CAST: variants seen among roughly 807,000 people sequenced by gnomAD.
CAST encodes the protein calpastatin, also known as MIR583 host.
Under a neutral mutation model 119.6 loss-of-function variants are expected in CAST, and 76 were observed. The ratio of observed to expected loss-of-function variants is 0.64; its 90% confidence interval spans 0.53 to 0.77. The LOEUF is 0.77. Ranked by LOEUF, CAST falls within the 30% of genes least tolerant of loss-of-function variation. The pLI is 0.00. For missense variants in CAST, 953 were observed against 946.5 expected (o/e 1.01, Z -0.09); for synonymous variants, 319 against 331.6 (o/e 0.96, Z 0.41).
the CAST span, among the ~76,000 whole-genome samples, chr5:96,165,058 GAGA>G: frequency 1.3e-5 from 2 of 152,240 alleles, no homozygotes; most frequent in East Asian, 1.9e-4. Context: ...TTTTGATTTT[GAGA>G]AGATTAGAAG....
chr5:96,209,386 T>G, the CAST span, among the ~76,000 whole-genome samples: 2 of 152,082 alleles, frequency 1.3e-5, no homozygotes, highest in Non-Finnish European at 2.9e-5. Flanking sequence ...TTATGCAGAC[T>G]TGATTGTGTA....
At chr5:96,309,422 T>C in the CAST span, among the ~76,000 whole-genome samples, 124,929 of 152,228 alleles carry the variant, frequency 0.82, 52,571 homozygotes, top group Non-Finnish European at 0.92. Context: ...GCCAGACCAC[T>C]TGGCTCCCTG....
the CAST span, among the ~76,000 whole-genome samples, chr5:96,439,373 A>G: frequency 0.098 from 14,895 of 152,148 alleles, 2,498 homozygotes; most frequent in African/African-American, 0.34. Flanking sequence ...AATTTAGCAG[A>G]CCCAAGAAAA....
chr5:96,222,910 T>C, the CAST span, among the ~76,000 whole-genome samples: 1 of 152,156 alleles, frequency 6.6e-6, no homozygotes, highest in Non-Finnish European at 1.5e-5. Flanking sequence ...ATATACATAA[T>C]TGAATACTAT....
At chr5:96,310,129 A>G in the CAST span, among the ~76,000 whole-genome samples, 1 of 152,210 alleles carries the variant, frequency 6.6e-6, no homozygotes. Flanking sequence ...GAGTGTTTTT[A>G]TCATGAAAGA....
chr5:96,030,670 A>C, the CAST span, among the ~76,000 whole-genome samples: 1 of 152,122 alleles, frequency 6.6e-6, no homozygotes, highest in Admixed American at 6.6e-5. Flanking sequence ...ACTCTTCATC[A>C]CCTCTTCTCC....
At chr5:96,062,193 A>C in the CAST span, among the ~76,000 whole-genome samples, 1 of 152,112 alleles carries the variant, frequency 6.6e-6, no homozygotes, top group Non-Finnish European at 1.5e-5. Context: ...TTTACAGCAA[A>C]AGAGGAGTGA....
At chr5:96,689,895 T>G (rs1199570992) in intron 2 of CAST, among the ~76,000 whole-genome samples, 14 of 152,220 alleles carry the variant, frequency 9.2e-5, no homozygotes, top group Admixed American at 9.2e-4. Context: ...TGCCCTCTTT[T>G]CATTCAAGAT....
intron 1 of CAST, among the ~76,000 whole-genome samples, chr5:96,635,805 C>T (rs1441379274): frequency 6.6e-6 from 1 of 152,162 alleles, no homozygotes; most frequent in East Asian, 1.9e-4. Context: ...CAATTGCTTC[C>T]ACTTCAGGTT....
At chr5:96,771,340 C>T (rs1180480721) in intron 30 of CAST, among the ~76,000 whole-genome samples, 1 of 152,078 alleles carries the variant, frequency 6.6e-6, no homozygotes, top group Admixed American at 6.5e-5. Context: ...AAGGAAGGAT[C>T]ACCACAGAAT....
At chr5:96,247,720 A>G in the CAST span, 1 of 152,262 alleles carries the variant, frequency 6.6e-6, no homozygotes, top group African/African-American at 2.4e-5. Context: ...TCACAGCAAT[A>G]CAAACCCTTG....
the CAST span, among the ~76,000 whole-genome samples, chr5:96,184,025 G>A: frequency 6.6e-6 from 1 of 152,054 alleles, no homozygotes; most frequent in East Asian, 1.9e-4. Context: ...ATATGTATAG[G>A]TAAGTGAGGC....
At chr5:96,224,333 A>G in the CAST span, among the ~76,000 whole-genome samples, 1 of 152,216 alleles carries the variant, frequency 6.6e-6, no homozygotes, top group Admixed American at 6.5e-5. Context: ...ACCCAAAGAT[A>G]TTAGGCCCTA....
chr5:96,401,930 T>C, the CAST span, among the ~76,000 whole-genome samples: 1 of 152,218 alleles, frequency 6.6e-6, no homozygotes, highest in Non-Finnish European at 1.5e-5. Context: ...TAAAACATAT[T>C]GCTCCTAGTC....
At chr5:96,743,750 ATGTAT>A in intron 16 of CAST, 3 of 1,554,868 alleles carry the variant, frequency 1.9e-6, no homozygotes, top group Non-Finnish European at 2.6e-6. Context: ...GGACCAAGTA[ATGTAT>A]TGGGAAGAAG....
rs1272998788 is a variant in CAST at position 96,648,714 on chromosome 5, A to ATG, written c.61-26824_61-26823dup. Among the ~76,000 whole-genome samples the ATG allele has an allele frequency of 5.5e-5, 6 of 108,370 alleles. No individual in the cohort carries two copies. In the South Asian group the frequency reaches 1.2e-3, roughly 22 times the overall value. The allele number at this position is 108,370 out of a possible 152,430, so 71.1% of individuals were successfully genotyped here. A position where few individuals can be genotyped will look rare whatever the true frequency, so the allele number is the denominator to read the frequency against. ...ACTGGGAGAAGTTTTATTTATATAT[A>ATG]TGCGTGTGTGTGTGTGTGTGTGTGT... On this transcript the variant is annotated intron_variant, in intron 1 of 11. Coordinates refer to the CAST transcript ENST00000505143.
At chr5:96,187,471 G>A in the CAST span, among the ~76,000 whole-genome samples, 2 of 152,104 alleles carry the variant, frequency 1.3e-5, no homozygotes, top group Non-Finnish European at 2.9e-5. Context: ...GCTTTTTGAT[G>A]TGGGCATTTA....
the CAST span, among the ~76,000 whole-genome samples, chr5:96,374,662 A>G: frequency 2.6e-5 from 4 of 152,296 alleles, no homozygotes; most frequent in East Asian, 7.7e-4. Flanking sequence ...TCATCAAAGC[A>G]TGCTGCAAAA....
At chr5:96,163,308 T>C in the CAST span, among the ~76,000 whole-genome samples, 1 of 152,198 alleles carries the variant, frequency 6.6e-6, no homozygotes, top group Non-Finnish European at 1.5e-5. Flanking sequence ...AAAGTTTTCC[T>C]GTCAGTCTAG....
Sources: allele counts gnomAD v4.1 joint callset (sites outside exome capture counted in the v4.1 genomes callset), GRCh38; gene constraint gnomAD v4.1.1; transcripts MANE v1.5; gene names NCBI Gene and HGNC (gene_info 2026-07-23, HGNC 2026-07-21).